KLF10: variants seen among roughly 807,000 people sequenced by gnomAD.
KLF10 encodes the protein Krueppel-like factor 10.
A neutral mutation model predicts 31.6 loss-of-function variants in KLF10; 17 were observed. That is an observed-to-expected ratio of 0.54 (90% CI 0.37 to 0.81). The LOEUF (loss-of-function observed/expected upper bound fraction) is 0.81. Among genes scored for constraint, KLF10 ranks in the 30% least tolerant of loss-of-function variants. KLF10 has a pLI of 0.00. For synonymous variants in KLF10, 239 were observed against 215.1 expected (o/e 1.11, Z -0.97); for missense variants, 525 against 598.1 (o/e 0.88, Z 1.27).
At position 102,655,508 on chromosome 8, in the gene KLF10, T is replaced by C; in HGVS notation, c.36+58A>G. 4 of 1,607,398 alleles carry C rather than the reference T, an allele frequency of 2.5e-6. No individual in the cohort carries two copies. In the South Asian group the frequency reaches 4.4e-5, roughly 18 times the overall value. On this transcript the variant is annotated intron_variant, in intron 1 of 3. Coordinates refer to ENST00000285407, the MANE Select transcript of KLF10 (RefSeq NM_005655.4). Reference sequence around the variant, plus strand: ...TCCGGGGCTCGGGGTTCGCGCCCCCTTTGGCCCCCCAGACAAGACCAGGCG... The same window carrying C: ...TCCGGGGCTCGGGGTTCGCGCCCCCCTTGGCCCCCCAGACAAGACCAGGCG...
chr8:102,655,717 G>A lies in KLF10; in HGVS notation c.-116C>T, dbSNP rs530859184. 4.1e-6 allele frequency: 5 copies of A among 1,224,842 alleles called. No individual in the cohort carries two copies. In the Admixed American group the frequency reaches 9.9e-5, roughly 24 times the overall value. 75.9% of individuals were successfully genotyped at this position (1,224,842 alleles called of 1,614,324 possible). Reference sequence around the variant, plus strand: ...CGCTCCCGCCGCCGCCGCGCTCAGCGCCGTCTGCCCCCTCCCCATTCAGGT... The same window carrying A: ...CGCTCCCGCCGCCGCCGCGCTCAGCACCGTCTGCCCCCTCCCCATTCAGGT... On this transcript the variant is annotated 5_prime_UTR_variant, in exon 1 of 4. Transcript: ENST00000285407.
At chr8:102,653,358 G>A (rs1827262778) in intron 1 of KLF10, 4 of 944,334 alleles carry the variant, frequency 4.2e-6, no homozygotes, top group Middle Eastern at 3.4e-4. Context: ...ATTCCTTAAA[G>A]AACTGCTTGA....
rs148900683 is a variant in KLF10, at chr8:102,651,527, G to A, written c.805C>T (p.Pro269Ser). Reference protein sequence around the residue: ...PPAVSAGGVPPMPVICQMVPL... With the variant: ...PPAVSAGGVPSMPVICQMVPL... ...ACCATCTGGCAGATGACCGGCATAG[G>A]TGGCACTCCCCCTGCAGATACTGCA... The change falls in exon 3 of 4, where the codon CCT becomes TCT. Residue 269 changes from proline (P) to serine (S), a missense_variant. By Grantham distance (74) the Pro-to-Ser change is moderately conservative. Transcript: ENST00000285407. The A allele has an allele frequency of 9.2e-5, 149 of 1,612,276 alleles. No individual in the cohort carries two copies. The African/African-American group carries it at 1.9e-3, about 21-fold the overall frequency.
In KLF10 at chr8:102,650,163, G is replaced by A. The variant is rs765091829; in HGVS notation, c.1412C>T (p.Ala471Val). 5.6e-6 allele frequency: 9 copies of A among 1,614,230 alleles called. No individual in the cohort carries two copies. In the Admixed American group the frequency reaches 6.7e-5, roughly 12 times the overall value. Residue 471 changes from alanine to valine, a missense_variant, in exon 4 of 4, where the codon GCT becomes GTT. By Grantham distance (64) the Ala-to-Val change is moderately conservative. Coordinates refer to ENST00000285407, the MANE Select transcript of KLF10 (RefSeq NM_005655.4). ...QMEVSKLNDI[A>V]LPPTPAPTQ ...TGTGGGAGCAGGGGTTGGAGGTAGAGCAATGTCATTTAGCTTGCTCACTTC... is the reference window on the plus strand; with the variant it reads ...TGTGGGAGCAGGGGTTGGAGGTAGAACAATGTCATTTAGCTTGCTCACTTC...
At position 102,649,786 on chromosome 8, in the gene KLF10, T is replaced by G; in HGVS notation, c.*346A>C. 7.9e-6 allele frequency: 2 copies of G among 252,658 alleles called. No individual in the cohort carries two copies. The highest frequency in any genetic ancestry group is 1.7e-4 in the East Asian group (2 of 11,488). 15.7% of individuals were successfully genotyped at this position (252,658 alleles called of 1,614,324 possible). ...GCTTTAGAAGAATCACATTGAAAAG[T>G]TGGTCTCAAGTATAAACAGCAAAAG... On this transcript the variant is annotated 3_prime_UTR_variant, in exon 4 of 4. Transcript: ENST00000285407.
chr8:102,653,641 G>A (rs1047623899), intron 1 of KLF10: 57 of 1,324,570 alleles, frequency 4.3e-5, no homozygotes, highest in Non-Finnish European at 5.0e-5. Flanking sequence ...ACGAGCCATT[G>A]CTCTTGAAAT....
At chr8:102,652,462 A>C (rs1587834832) in intron 1 of KLF10, 65 bp from the exon 2 acceptor site, 3 of 875,102 alleles carry the variant, frequency 3.4e-6, no homozygotes, top group Non-Finnish European at 5.0e-6. Context: ...ACACAGAAAA[A>C]TGAGCAAATT....
At position 102,654,093 on chromosome 8, in the gene KLF10, T is replaced by TGGGCGAGGAGG. The variant is rs1554691794; in HGVS notation, c.36+1462_36+1472dup. 1.2e-3 allele frequency: 508 copies of TGGGCGAGGAGG among 422,478 alleles called. 4 individuals carry two copies. The highest frequency in any genetic ancestry group is 8.0e-3 in the African/African-American group (368 of 45,982). The allele number at this position is 422,478 out of a possible 1,614,324, so 26.2% of individuals were successfully genotyped here. On this transcript the variant is annotated intron_variant, in intron 1 of 3. Coordinates refer to ENST00000285407, the MANE Select transcript of KLF10 (RefSeq NM_005655.4). Reference sequence around the variant, plus strand: ...GGCTGTGCGGCCCGGGGCGGGGGCGTGGGCGAGGAGGGGGCGAGGCATGTG... The same window carrying TGGGCGAGGAGG: ...GGCTGTGCGGCCCGGGGCGGGGGCGTGGGCGAGGAGGGGGCGAGGAGGGGGCGAGGCATGTG...
In KLF10 at chr8:102,655,377, C is replaced by T. The variant is rs1587836857; in HGVS notation, c.36+189G>A. Among the ~76,000 whole-genome samples the T allele has an allele frequency of 2.0e-5, 3 of 152,308 alleles. No individual in the cohort carries two copies. In the South Asian group the frequency reaches 6.2e-4, roughly 32 times the overall value. ...AAGATCCCAGCCCCCTGGTTCGACC[C>T]CCTCCCGAACACACACGCCCTCACT... On this transcript the variant is annotated intron_variant, in intron 1 of 3. Transcript: ENST00000285407.
chr8:102,652,259 A>T lies in KLF10; in HGVS notation c.175T>A (p.Tyr59Asn), dbSNP rs1268459666. The T allele has an allele frequency of 6.2e-7, 1 of 1,613,602 alleles. No homozygotes were observed. The highest frequency in any genetic ancestry group is 2.2e-5 in the East Asian group (1 of 44,848). Reference sequence around the variant, plus strand: ...GGTGTAACAGGTCTGTTTTCAACGTATTTCTTAAAATCAGACTTCCAACTG... The same window carrying T: ...GGTGTAACAGGTCTGTTTTCAACGTTTTTCTTAAAATCAGACTTCCAACTG... ...SCSWKSDFKKYVENRPVTPVS... is the reference protein window; with the variant it reads ...SCSWKSDFKKNVENRPVTPVS... Residue 59 changes from tyrosine to asparagine, a missense_variant, in exon 2 of 4, where the codon TAC becomes AAC. Physicochemically the swap from Tyr to Asn is moderately radical, Grantham distance 143 (BLOSUM62 -2). Coordinates refer to ENST00000285407, the MANE Select transcript of KLF10 (RefSeq NM_005655.4).
In KLF10 at chr8:102,650,363, T is replaced by A; in HGVS notation, c.1212A>T (p.Lys404Asn). Residue 404 changes from lysine to asparagine, a missense_variant, in exon 4 of 4, where the codon AAA (lysine) becomes AAT (asparagine). Lys to Asn is a moderately conservative substitution (Grantham distance 94, BLOSUM62 0). Transcript: ENST00000285407. ...TGEKPFSCSW[K>N]GCERRFARSD... ...AACGGGCAAACCTCCTTTCACAACC[T>A]TTCCAGCTACAGCTGAAAGGCTTTT... The A allele has an allele frequency of 6.2e-7, 1 of 1,614,012 alleles. No individual in the cohort carries two copies. The highest frequency in any genetic ancestry group is 8.5e-7 in the Non-Finnish European group (1 of 1,179,852).
intron 1 of KLF10, chr8:102,654,090 G>A (rs1042573550): frequency 1.4e-4 from 62 of 455,272 alleles, no homozygotes; most frequent in Non-Finnish European, 1.7e-4. Context: ...CGGGGCGGGG[G>A]CGTGGGCGAG....
chr8:102,653,295 T>G (rs1157648472), intron 1 of KLF10, among the ~76,000 whole-genome samples: 3 of 152,224 alleles, frequency 2.0e-5, no homozygotes, highest in African/African-American at 4.8e-5. Flanking sequence ...CTACTTGGAA[T>G]TTGCAAAAAC....
At chr8:102,652,126 A>C (rs373697364) in intron 2 of KLF10, 38 bp downstream of exon 2, 70 of 1,483,564 alleles carry the variant, frequency 4.7e-5, no homozygotes, top group Middle Eastern at 3.6e-4. Context: ...TTAAGAAATT[A>C]TATAATTTAC....
Position 102,650,332 on chromosome 8 carries a change from C to A in KLF10, c.1243G>T (p.Glu415Ter). The A allele has an allele frequency of 6.2e-7, 1 of 1,614,070 alleles. No homozygotes were observed. Among genetic ancestry groups the A allele is most frequent in the Non-Finnish European group, 8.5e-7 (1 of 1,180,032 alleles). ...TGGGTTCGCCTGTGTCTGGACAGTT[C>A]ATCAGAACGGGCAAACCTCCTTTCA... ...GCERRFARSD[E>*]LSRHRRTHTG... The change falls in exon 4 of 4, where the codon GAA becomes TAA. Residue 415 changes from glutamate to a stop codon, truncating the protein, a stop_gained. Transcript: ENST00000285407. LOFTEE classifies it high-confidence loss of function.
At chr8:102,653,771 G>T (rs1827278748) in intron 1 of KLF10, 10 of 1,099,156 alleles carry the variant, frequency 9.1e-6, no homozygotes, top group Non-Finnish European at 1.1e-5. Context: ...AAAGGCAGGC[G>T]GCAGGGAAAG....
intron 1 of KLF10, among the ~76,000 whole-genome samples, chr8:102,655,224 C>T (rs540308614): frequency 4.6e-5 from 7 of 152,162 alleles, no homozygotes; most frequent in African/African-American, 1.4e-4. Context: ...AACCTCGCTG[C>T]AGGGCAACGG....
rs759789932 is a variant in KLF10, at chr8:102,651,297, G to A, written c.1035C>T (p.Ala345=). ...CTGAAGGGGAAAACCCAGGAGCAGG[G>A]GCAATGGGAGAGAGTCTGGTGCCAT... ...SPNGTRLSPI[A]PAPGFSPSAA... is the part of the protein sequence containing the mutation. Residue 345 remains alanine, a synonymous_variant, in exon 3 of 4, where the codon GCC becomes GCT. Transcript: ENST00000285407. 1.9e-6 allele frequency: 3 copies of A among 1,606,392 alleles called. No homozygotes were observed. In the East Asian group the frequency reaches 6.7e-5, roughly 36 times the overall value.
At chr8:102,652,089 A>C (rs769720003) in intron 2 of KLF10, 28 bp from the exon 3 acceptor site, 2 of 1,527,004 alleles carry the variant, frequency 1.3e-6, no homozygotes, top group South Asian at 2.6e-5. Flanking sequence ...ACATAGCATG[A>C]GAAATCTACA....
Sources: gnomAD v4.1 joint callset for allele counts (sites outside exome capture counted in the v4.1 genomes callset) on GRCh38, gnomAD v4.1.1 for gene constraint, MANE v1.5 for transcripts, NCBI Gene and HGNC (gene_info 2026-07-23, HGNC 2026-07-21) for gene names.